Variants in PAM observed in about 807,000 individuals in gnomAD.
The protein encoded by PAM is peptidyl-glycine alpha-amidating monooxygenase.
PAM carries 72 observed loss-of-function variants against 122.1 expected under a neutral mutation model. That is an observed-to-expected ratio of 0.59 (90% CI 0.49 to 0.72). The LOEUF (loss-of-function observed/expected upper bound fraction) is 0.72. Among genes scored for constraint, PAM ranks in the 30% least tolerant of loss-of-function variants. PAM has a pLI of 0.00. For missense variants in PAM, 1,106 were observed against 1,183.7 expected (o/e 0.93, Z 0.96); for synonymous variants, 389 against 404.4 (o/e 0.96, Z 0.46).
chr5:102,967,963 T>C (rs1384389768), intron 14 of PAM, among the ~76,000 whole-genome samples: 2 of 152,168 alleles, frequency 1.3e-5, no homozygotes, highest in South Asian at 2.1e-4. Flanking sequence ...CCTCAAGTGA[T>C]AGGCCTGTCT....
At chr5:102,871,511 T>A (rs1787441740) in intron 3 of PAM, among the ~76,000 whole-genome samples, 2 of 151,804 alleles carry the variant, frequency 1.3e-5, no homozygotes, top group South Asian at 4.2e-4. Context: ...AAGAAGTAAA[T>A]CTTTCAGTGT....
chr5:102,756,305 C>A (rs2149611556), intron 1 of PAM, among the ~76,000 whole-genome samples: 2 of 152,214 alleles, frequency 1.3e-5, no homozygotes, highest in South Asian at 4.1e-4. Context: ...GGCATGTGTT[C>A]CTGGAGCTGG....
chr5:102,920,539 G>A (rs1747060822), intron 5 of PAM, among the ~76,000 whole-genome samples: 1 of 151,986 alleles, frequency 6.6e-6, no homozygotes, highest in Non-Finnish European at 1.5e-5. Context: ...CCATTGCATT[G>A]AAGTTCACAT....
chr5:102,883,908 G>A (rs1010518939), intron 3 of PAM, among the ~76,000 whole-genome samples: 3 of 151,656 alleles, frequency 2.0e-5, no homozygotes, highest in Non-Finnish European at 4.4e-5. Context: ...TTATGCTGAG[G>A]GTTTTAAATA....
intron 1 of PAM, among the ~76,000 whole-genome samples, chr5:102,811,090 T>C (rs1279624651): frequency 1.3e-5 from 2 of 152,238 alleles, no homozygotes; most frequent in Admixed American, 6.5e-5. Context: ...TGAGCACTTT[T>C]TCCTAACCAA....
Position 102,949,682 on chromosome 5 carries a change from AT to A in PAM, c.724+66del, listed in dbSNP as rs1758146150. 1.9e-5 allele frequency: 16 copies of A among 864,202 alleles called. No individual in the cohort carries two copies. In the South Asian group the frequency reaches 2.2e-4, roughly 12 times the overall value. 53.5% of individuals were successfully genotyped at this position (864,202 alleles called of 1,614,324 possible). On this transcript the variant is annotated intron_variant, in intron 10 of 25. Transcript: ENST00000438793. ...GTGCTTCCTGGTGCCATAAATTAAA[AT>A]GCAAATTGTGTTTGACCTTAAGTCT...
rs564450906 is a variant in PAM, at chr5:102,954,767, G to A, written c.905+3947G>A. On this transcript the variant is annotated intron_variant, in intron 12 of 25. Coordinates refer to ENST00000438793, the MANE Select transcript of PAM (RefSeq NM_001177306.2). The stretch of plus-strand genomic sequence containing the variant: ...TCAGCCAATTAAGCTCATTAAGTCA[G>A]CTAATCAGGCTAAAAGTTTATATGC... Among the ~76,000 whole-genome samples the A allele has an allele frequency of 5.3e-5, 8 of 152,096 alleles. No individual in the cohort carries two copies. The South Asian group carries it at 1.7e-3, about 32-fold the overall frequency.
rs117717672 is a variant in PAM, at chr5:102,780,388, A to T, written c.-374+25040A>T. On this transcript the variant is annotated intron_variant, in intron 1 of 25. Coordinates refer to ENST00000438793, the MANE Select transcript of PAM (RefSeq NM_001177306.2). ...ATAAAACTAAATATTGTCTTTCTTGATTCATGTAGTAACTTCATTTCTAAA... is the reference window on the plus strand; with the variant it reads ...ATAAAACTAAATATTGTCTTTCTTGTTTCATGTAGTAACTTCATTTCTAAA... Among the ~76,000 whole-genome samples the T allele has an allele frequency of 5.2e-3, 796 of 152,280 alleles. 36 individuals are homozygous for T. In the South Asian group the frequency reaches 0.1, roughly 19 times the overall value.
In PAM at chr5:103,029,170, TC is replaced by T; in HGVS notation, c.*106del. 1 of 907,588 alleles carries T rather than the reference TC, an allele frequency of 1.1e-6. No individual in the cohort carries two copies. The highest frequency in any genetic ancestry group is 1.8e-5 in the South Asian group (1 of 57,092). 56.2% of individuals were successfully genotyped at this position (907,588 alleles called of 1,614,324 possible). On this transcript the variant is annotated 3_prime_UTR_variant, in exon 26 of 26. Coordinates refer to ENST00000438793, the MANE Select transcript of PAM (RefSeq NM_001177306.2). ...TGTATTTAATTGTAAACTGTACTAG[TC>T]TGTGTGGGACTGTACACACTTTATT...
At chr5:102,868,195 G>T (rs529038753) in intron 3 of PAM, among the ~76,000 whole-genome samples, 2 of 152,352 alleles carry the variant, frequency 1.3e-5, no homozygotes, top group South Asian at 4.1e-4. Flanking sequence ...GAAAGACCTG[G>T]ATATTGTAGA....
intron 1 of PAM, among the ~76,000 whole-genome samples, chr5:102,797,341 T>C (rs1000444825): frequency 3.9e-5 from 6 of 152,214 alleles, no homozygotes; most frequent in Admixed American, 1.3e-4. Flanking sequence ...TTAAATATTA[T>C]TTTAAAATTA....
chr5:102,924,554 A>G (rs1484596889), intron 5 of PAM, among the ~76,000 whole-genome samples: 1 of 152,052 alleles, frequency 6.6e-6, no homozygotes, highest in Non-Finnish European at 1.5e-5. Flanking sequence ...GACAACAGTG[A>G]TCGCCAAAGG....
At chr5:102,980,517 T>TTCCGATAC (rs1159418338) in intron 15 of PAM, among the ~76,000 whole-genome samples, 4 of 152,174 alleles carry the variant, frequency 2.6e-5, no homozygotes, top group African/African-American at 9.6e-5. Flanking sequence ...TGTGGAATAA[T>TTCCGATAC]TCCGATACAG....
In PAM at chr5:102,974,339, C is replaced by T. The variant is rs776528910; in HGVS notation, c.1386C>T (p.His462=). 2.5e-6 allele frequency: 4 copies of T among 1,613,890 alleles called. No individual in the cohort carries two copies. In the South Asian group the frequency reaches 4.4e-5, roughly 18 times the overall value. ...TCAGAGACAGAATTCACAAATTCCA[C>T]AGACTAGTATCTACCTTGAGGCCAC... is the stretch of plus-strand genomic sequence containing the variant. ...ILVRDRIHKF[H]RLVSTLRPPE... The change falls in exon 15 of 26, where the codon CAC becomes CAT. Residue 462 remains histidine, a synonymous_variant. Transcript: ENST00000438793.
chr5:102,821,525 T>C (rs1390421588), intron 1 of PAM, among the ~76,000 whole-genome samples: 2 of 152,192 alleles, frequency 1.3e-5, no homozygotes, highest in Non-Finnish European at 2.9e-5. Flanking sequence ...CAAATACCCC[T>C]TATTATGATT....
chr5:102,801,306 CAG>C (rs1456649465), intron 1 of PAM, among the ~76,000 whole-genome samples: 3 of 152,062 alleles, frequency 2.0e-5, no homozygotes, highest in African/African-American at 7.2e-5. Context: ...AAGAAAAAAT[CAG>C]GGCATTCGAT....
chr5:102,993,173 C>T (rs1774671788), intron 16 of PAM, among the ~76,000 whole-genome samples: 3 of 152,064 alleles, frequency 2.0e-5, no homozygotes, highest in South Asian at 2.1e-4. Flanking sequence ...ACTTCAATAT[C>T]GCTTCTCTTC....
At chr5:102,815,307 G>A (rs1580470644) in intron 1 of PAM, among the ~76,000 whole-genome samples, 1 of 152,202 alleles carries the variant, frequency 6.6e-6, no homozygotes, top group Non-Finnish European at 1.5e-5. Flanking sequence ...ACAGAGCACC[G>A]AGATTGTGTT....
Position 103,028,958 on chromosome 5 carries a change from G to A in PAM, c.2815G>A (p.Asp939Asn). ...SRKGYSRKGF[D>N]RLSTEGSDQE... is the part of the protein sequence containing the mutation. ...TAAGGGCTACAGTCGAAAAGGGTTTGACCGGCTTAGCACTGAGGGCAGTGA... is the reference window on the plus strand; with the variant it reads ...TAAGGGCTACAGTCGAAAAGGGTTTAACCGGCTTAGCACTGAGGGCAGTGA... Residue 939 changes from aspartate (D) to asparagine (N), a missense_variant, in exon 26 of 26, where the codon GAC becomes AAC. Transcript: ENST00000438793. 1 of 1,613,798 alleles carries A rather than the reference G, an allele frequency of 6.2e-7. No homozygotes were observed. Among genetic ancestry groups the A allele is most frequent in the Non-Finnish European group, 8.5e-7 (1 of 1,179,750 alleles).
Sources: gnomAD v4.1 joint callset for allele counts (sites outside exome capture counted in the v4.1 genomes callset) on GRCh38, gnomAD v4.1.1 for gene constraint, MANE v1.5 for transcripts, NCBI Gene and HGNC (gene_info 2026-07-23, HGNC 2026-07-21) for gene names.